The following ZHX2 variants were observed in gnomAD, a reference collection of about 807,000 sequenced individuals.
The protein encoded by ZHX2 is zinc fingers and homeoboxes 2, also known as zinc fingers and homeoboxes protein 2.
A neutral mutation model predicts 21.9 loss-of-function variants in ZHX2; 6 were observed. The ratio of observed to expected loss-of-function variants is 0.27; its 90% CI spans 0.15 to 0.54. ZHX2 has a LOEUF of 0.54. Ranked by LOEUF, ZHX2 falls within the 20% of genes least tolerant of loss-of-function variation. ZHX2 has a pLI of 0.95. For synonymous variants in ZHX2, 434 were observed against 437.1 expected (o/e 0.99, Z 0.09); for missense variants, 908 against 1,090.7 (o/e 0.83, Z 2.36).
chr8:122,829,957 C>T (rs1264333177), intron 1 of ZHX2, among the ~76,000 whole-genome samples: 3 of 152,090 alleles, frequency 2.0e-5, no homozygotes, highest in African/African-American at 4.8e-5. Context: ...CATTGAGGGA[C>T]GGAAGCATGT....
chr8:122,934,989 A>C (rs1490167775), intron 2 of ZHX2, among the ~76,000 whole-genome samples: 1 of 152,188 alleles, frequency 6.6e-6, no homozygotes, highest in Non-Finnish European at 1.5e-5. Flanking sequence ...GCCCAGCCTC[A>C]AAGTTCTTTT....
At chr8:122,967,691 G>T (rs1407212202) in intron 3 of ZHX2, among the ~76,000 whole-genome samples, 2 of 152,250 alleles carry the variant, frequency 1.3e-5, no homozygotes, top group East Asian at 3.8e-4. Context: ...GATGTTGCAG[G>T]CAGTGGCATT....
chr8:122,962,135 C>G (rs1230344193), intron 3 of ZHX2, among the ~76,000 whole-genome samples: 1 of 152,172 alleles, frequency 6.6e-6, no homozygotes, highest in African/African-American at 2.4e-5. Context: ...ACACTCCAAA[C>G]TATTTTAATA....
At chr8:122,811,719 G>A (rs1198265471) in intron 1 of ZHX2, among the ~76,000 whole-genome samples, 8 of 152,242 alleles carry the variant, frequency 5.3e-5, no homozygotes, top group Non-Finnish European at 1.0e-4. Flanking sequence ...GAGAAGGAAG[G>A]TGGGATGGTA....
At chr8:122,928,345 T>G (rs9792311) in intron 2 of ZHX2, among the ~76,000 whole-genome samples, 45,242 of 152,108 alleles carry the variant, frequency 0.3, 7,212 homozygotes, top group African/African-American at 0.42. Flanking sequence ...CAGGGGTCTG[T>G]CTGGCAAATC....
At chr8:122,866,778 G>A (rs1819308574) in intron 2 of ZHX2, among the ~76,000 whole-genome samples, 1 of 152,122 alleles carries the variant, frequency 6.6e-6, no homozygotes, top group Non-Finnish European at 1.5e-5. Flanking sequence ...AAGAACTGTA[G>A]CATTCCTGCC....
chr8:122,787,324 A>C (rs1177343156), intron 1 of ZHX2, among the ~76,000 whole-genome samples: 1 of 152,096 alleles, frequency 6.6e-6, no homozygotes, highest in Non-Finnish European at 1.5e-5. Context: ...CATTAGAAAC[A>C]CTTAGTGGAG....
intron 2 of ZHX2, among the ~76,000 whole-genome samples, chr8:122,928,916 G>A (rs527895079): frequency 6.6e-6 from 1 of 152,222 alleles, no homozygotes; most frequent in African/African-American, 2.4e-5. Context: ...ATAAAGATAG[G>A]ACATCCTATT....
At chr8:122,866,323 C>T (rs1563759965) in intron 2 of ZHX2, among the ~76,000 whole-genome samples, 1 of 152,124 alleles carries the variant, frequency 6.6e-6, no homozygotes, top group Non-Finnish European at 1.5e-5. Context: ...GCAAAAGGCA[C>T]TCCCCCCCAC....
At chr8:122,950,749 CTG>C (rs918874978) in intron 2 of ZHX2, among the ~76,000 whole-genome samples, 1 of 151,886 alleles carries the variant, frequency 6.6e-6, no homozygotes, top group African/African-American at 2.4e-5. Context: ...AAATGGGAAA[CTG>C]TTTAAGTGAG....
Position 122,951,491 on chromosome 8 carries a change from A to G in ZHX2, c.-20A>G, listed in dbSNP as rs759631111. 18 of 1,599,622 alleles carry G rather than the reference A, an allele frequency of 1.1e-5. No homozygotes were observed. The East Asian group carries it at 3.8e-4, about 34-fold the overall frequency. On this transcript the variant is annotated 5_prime_UTR_variant, in exon 3 of 4. Transcript: ENST00000314393. ...CCTTATCCCCCTCCAAAAATAAGCC[A>G]TTGCACACAGACAGGCAGCATGGCT...
chr8:122,803,433 C>T (rs1019241236), intron 1 of ZHX2, among the ~76,000 whole-genome samples: 3 of 152,178 alleles, frequency 2.0e-5, no homozygotes, highest in African/African-American at 7.2e-5. Flanking sequence ...CACCCTGCCC[C>T]ATCTCTAGAC....
chr8:122,953,878 G>T lies in ZHX2; in HGVS notation c.2368G>T (p.Val790Phe). 2.5e-6 allele frequency: 4 copies of T among 1,614,200 alleles called. No homozygotes were observed. The highest frequency in any genetic ancestry group is 2.5e-6 in the Non-Finnish European group (3 of 1,180,024). ...TAGCGACGAGAACGAGGAGTCGAGCGTTGTGGATTACGTGGAGGTGACGGT... is the reference window on the plus strand; with the variant it reads ...TAGCGACGAGAACGAGGAGTCGAGCTTTGTGGATTACGTGGAGGTGACGGT... ...QGSDENEESS[V>F]VDYVEVTVGE... The change falls in exon 3 of 4, where the codon GTT (valine) becomes TTT (phenylalanine). Residue 790 changes from valine (V) to phenylalanine (F), a missense_variant. Physicochemically the swap from Val to Phe is conservative, Grantham distance 50. Around this residue, in one of 4 missense-constraint regions of ZHX2, gnomAD observed 431 missense variants for 428.6 expected, o/e 1.01. Transcript: ENST00000314393. The surrounding 1 kb of genome is among the most constrained non-coding windows in gnomAD (Gnocchi z 4.6).
At chr8:122,816,374 G>T (rs752331768) in intron 1 of ZHX2, 7 of 151,814 alleles carry the variant, frequency 4.6e-5, no homozygotes, top group Non-Finnish European at 1.0e-4. Flanking sequence ...TTGCTTTATT[G>T]CAGTGGTCTG....
chr8:122,879,157 A>G (rs1034656948), intron 2 of ZHX2, among the ~76,000 whole-genome samples: 1 of 152,212 alleles, frequency 6.6e-6, no homozygotes, highest in Non-Finnish European at 1.5e-5. Flanking sequence ...CAGTCTGCCT[A>G]GAAATGGAGG....
intron 2 of ZHX2, among the ~76,000 whole-genome samples, chr8:122,880,585 G>A (rs1819688833): frequency 6.6e-6 from 1 of 151,860 alleles, no homozygotes; most frequent in Non-Finnish European, 1.5e-5. Context: ...GACCAGCCTG[G>A]GCAACATGGT....
intron 2 of ZHX2, among the ~76,000 whole-genome samples, chr8:122,884,461 T>C (rs765335055): frequency 9.2e-5 from 14 of 152,346 alleles, no homozygotes; most frequent in South Asian, 4.1e-4. Context: ...AGAAAGTTCA[T>C]TGGGGTGGAA....
At chr8:122,864,811 G>A (rs2130781721) in intron 2 of ZHX2, among the ~76,000 whole-genome samples, 1 of 152,284 alleles carries the variant, frequency 6.6e-6, no homozygotes, top group South Asian at 2.1e-4. Context: ...GACACAAATG[G>A]GGAAGTTACG....
chr8:122,865,551 G>A (rs888170640), intron 2 of ZHX2, among the ~76,000 whole-genome samples: 5 of 152,214 alleles, frequency 3.3e-5, no homozygotes, highest in Non-Finnish European at 7.3e-5. Context: ...TGAGGAGGCA[G>A]CCCAGGGAGG....
Sources: allele counts gnomAD v4.1 joint callset (sites outside exome capture counted in the v4.1 genomes callset), GRCh38; gene constraint gnomAD v4.1.1; regional missense constraint gnomAD v4.1.1; non-coding constraint Gnocchi (gnomAD v3.1); transcripts MANE v1.5; gene names NCBI Gene and HGNC (gene_info 2026-07-23, HGNC 2026-07-21).